Variants in PDE1A observed in about 807,000 individuals in gnomAD.
The protein encoded by PDE1A is dual specificity calcium/calmodulin-dependent 3',5'-cyclic nucleotide phosphodiesterase 1A.
In PDE1A, 35 loss-of-function variants were observed where a neutral mutation model predicts 61.7. That is an observed-to-expected ratio of 0.57 (90% CI 0.43 to 0.75). The LOEUF is 0.75. PDE1A is among the 30% of genes least tolerant of loss of function. PDE1A has a pLI of 0.00. For synonymous variants in PDE1A, 232 were observed against 213.2 expected (o/e 1.09, Z -0.77); for missense variants, 597 against 630.6 (o/e 0.95, Z 0.57).
At chr2:182,334,772 C>T (rs890541739) in intron 1 of PDE1A, among the ~76,000 whole-genome samples, 1 of 152,114 alleles carries the variant, frequency 6.6e-6, no homozygotes, top group African/African-American at 2.4e-5. Context: ...GAAGTTCTGG[C>T]CAGAGCAATC....
At chr2:182,654,638 C>T in the PDE1A span, among the ~76,000 whole-genome samples, 2 of 152,042 alleles carry the variant, frequency 1.3e-5, no homozygotes, top group Non-Finnish European at 2.9e-5. Flanking sequence ...CCTTTTGGGG[C>T]AGGAATGGAG....
chr2:182,670,691 G>A, the PDE1A span, among the ~76,000 whole-genome samples: 1 of 152,174 alleles, frequency 6.6e-6, no homozygotes, highest in African/African-American at 2.4e-5. Flanking sequence ...ACCAGTATTT[G>A]GGAAACCAAT....
At chr2:182,589,265 GAGGGAGGAAGGA>G in the PDE1A span, among the ~76,000 whole-genome samples, 6 of 66,746 alleles carry the variant, frequency 9.0e-5, no homozygotes, top group East Asian at 7.7e-4. Flanking sequence ...GGAAGGGAGG[GAGGGAGGAAGGA>G]AGGAAGGAAG....
At chr2:182,649,890 G>A in the PDE1A span, among the ~76,000 whole-genome samples, 1 of 152,122 alleles carries the variant, frequency 6.6e-6, no homozygotes, top group Non-Finnish European at 1.5e-5. Context: ...TTACAGGTGT[G>A]AGCCACTGTG....
the PDE1A span, among the ~76,000 whole-genome samples, chr2:182,611,014 C>T: frequency 3.0e-4 from 46 of 152,240 alleles, no homozygotes; most frequent in Admixed American, 2.7e-3. Flanking sequence ...CCTCATTTGT[C>T]GTCTGAAAAT....
the PDE1A span, among the ~76,000 whole-genome samples, chr2:182,703,795 C>A: frequency 2.6e-5 from 4 of 152,062 alleles, no homozygotes; most frequent in African/African-American, 9.7e-5. Flanking sequence ...ACATAAAGTA[C>A]CTAATAGAAA....
At chr2:182,405,985 T>C (rs1702275717) in intron 1 of PDE1A, among the ~76,000 whole-genome samples, 2 of 151,950 alleles carry the variant, frequency 1.3e-5, no homozygotes, top group African/African-American at 2.4e-5. Context: ...CTCCTCAATT[T>C]GAAAGCTTTA....
intron 7 of PDE1A, among the ~76,000 whole-genome samples, chr2:182,212,475 C>T (rs527281688): frequency 3.3e-5 from 5 of 152,266 alleles, no homozygotes; most frequent in South Asian, 2.1e-4. Flanking sequence ...ACGCAGAAGA[C>T]GGTGATTTCT....
intron 2 of PDE1A, among the ~76,000 whole-genome samples, chr2:182,469,466 T>G (rs1050506740): frequency 2.2e-4 from 34 of 152,114 alleles, no homozygotes; most frequent in Non-Finnish European, 4.0e-4. Context: ...GATTAGGGCC[T>G]TGCTCCGAAT....
downstream of PDE1A, among the ~76,000 whole-genome samples, chr2:182,145,991 T>G (rs1690473203): frequency 6.6e-6 from 1 of 152,208 alleles, no homozygotes; most frequent in African/African-American, 2.4e-5. Context: ...CTCAGCATTT[T>G]CTCTTGCCCC....
chr2:182,140,142 C>T (rs1574479023), exon 15 of PDE1A: 1 of 152,170 alleles, frequency 6.6e-6, no homozygotes, highest in Non-Finnish European at 1.5e-5. Context: ...CTCAAATATA[C>T]ATAGGTGCAT....
intron 2 of PDE1A, among the ~76,000 whole-genome samples, chr2:182,257,327 G>T (rs1265504869): frequency 6.6e-6 from 1 of 152,084 alleles, no homozygotes; most frequent in African/African-American, 2.4e-5. Context: ...CTTAATAGTT[G>T]AAAGTGAAAA....
At position 182,308,198 on chromosome 2, in the gene PDE1A, G is replaced by A. The variant is rs192075649; in HGVS notation, c.54-43784C>T. ...AATCACATCCAGCTTAGAGTGCTCA[G>A]GGAGAAATACCACACATAACATATA... On this transcript the variant is annotated intron_variant, in intron 1 of 13. Coordinates refer to ENST00000351439, the Ensembl canonical transcript of PDE1A. Among the ~76,000 whole-genome samples the A allele has an allele frequency of 1.8e-3, 277 of 152,144 alleles. 2 individuals are homozygous for A. The highest frequency in any genetic ancestry group is 6.4e-3 in the African/African-American group (265 of 41,510).
the PDE1A span, among the ~76,000 whole-genome samples, chr2:182,605,838 A>T: frequency 2.0e-5 from 3 of 152,210 alleles, no homozygotes; most frequent in Non-Finnish European, 4.4e-5. Context: ...TGTTAATGTG[A>T]ACTGTACTTG....
At chr2:182,264,350 T>C in exon 2 of PDE1A, 1 of 1,613,748 alleles carries the variant, frequency 6.2e-7, no homozygotes, top group East Asian at 2.2e-5. Flanking sequence ...GCATATTCAA[T>C]ATTCTTCTTT....
intron 2 of PDE1A, among the ~76,000 whole-genome samples, chr2:182,249,343 G>C (rs548547826): frequency 6.6e-6 from 1 of 152,300 alleles, no homozygotes; most frequent in African/African-American, 2.4e-5. Flanking sequence ...TAAGGTAAAG[G>C]AACATACTGG....
At chr2:182,589,839 A>G in the PDE1A span, among the ~76,000 whole-genome samples, 13 of 152,334 alleles carry the variant, frequency 8.5e-5, no homozygotes, top group Admixed American at 2.0e-4. Flanking sequence ...CCATCATACC[A>G]GTGGTTAACA....
intron 1 of PDE1A, among the ~76,000 whole-genome samples, chr2:182,404,066 C>A (rs1445298250): frequency 6.6e-6 from 1 of 151,786 alleles, no homozygotes; most frequent in Admixed American, 6.6e-5. Flanking sequence ...TAAAAAAAGT[C>A]ATATCCTACA....
At chr2:182,549,708 C>G in the PDE1A span, among the ~76,000 whole-genome samples, 1 of 152,080 alleles carries the variant, frequency 6.6e-6, no homozygotes, top group African/African-American at 2.4e-5. Context: ...ATTCTAAGTA[C>G]ATATTTTTTT....
Sources: allele counts gnomAD v4.1 joint callset (sites outside exome capture counted in the v4.1 genomes callset), GRCh38; gene constraint gnomAD v4.1.1; transcripts MANE v1.5; gene names NCBI Gene and HGNC (gene_info 2026-07-23, HGNC 2026-07-21).